The following INPP5A variants were observed in gnomAD, a reference collection of about 807,000 sequenced individuals.
INPP5A encodes the protein inositol polyphosphate-5-phosphatase A, also known as 43 kDa inositol polyphosphate 5-phophatase.
In INPP5A, 14 loss-of-function variants were observed where a neutral mutation model predicts 65.2. That is an observed-to-expected ratio of 0.21 (90% CI 0.14 to 0.34). INPP5A has a LOEUF of 0.34. Among genes scored for constraint, INPP5A ranks in the 10% least tolerant of loss-of-function variants. INPP5A has a pLI of 1.00. For missense variants in INPP5A, 431 were observed against 545.6 expected (o/e 0.79, Z 2.09); for synonymous variants, 207 against 208.3 (o/e 0.99, Z 0.05).
At chr10:132,774,248 G>C (rs773548154) in intron 12 of INPP5A, among the ~76,000 whole-genome samples, 1 of 152,226 alleles carries the variant, frequency 6.6e-6, no homozygotes, top group Non-Finnish European at 1.5e-5. Flanking sequence ...GTGCCTGCAG[G>C]CTGCACGGGA....
In INPP5A at chr10:132,575,907, C is replaced by T. The variant is rs1354642964; in HGVS notation, c.76-32008C>T. 2.0e-5 allele frequency among the ~76,000 whole-genome samples: 3 copies of T among 152,300 alleles called. No individual in the cohort carries two copies. Among genetic ancestry groups the T allele is most frequent in the Middle Eastern group, 3.4e-3 (1 of 294 alleles). ...AGGACCTGCTTGATGCCACTGACAT[C>T]GCGGCTCTTGTGGACTGTGGAGCTG... is the stretch of plus-strand genomic sequence containing the variant. On this transcript the variant is annotated intron_variant, in intron 1 of 15. Transcript: ENST00000368594. The surrounding 1 kb of genome is among the most constrained non-coding windows in gnomAD (Gnocchi z 5.4).
At chr10:132,763,365 A>T (rs868567451) in intron 11 of INPP5A, among the ~76,000 whole-genome samples, 1 of 152,252 alleles carries the variant, frequency 6.6e-6, no homozygotes. Flanking sequence ...AGCAGGGCCC[A>T]CGCTGGACTG....
intron 9 of INPP5A, among the ~76,000 whole-genome samples, chr10:132,732,984 G>A (rs1430045907): frequency 1.3e-5 from 2 of 152,160 alleles, no homozygotes; most frequent in Admixed American, 1.3e-4. Context: ...TCACAGTCCT[G>A]GAACCTGGAC....
At chr10:132,726,448 A>G (rs1224840321) in intron 8 of INPP5A, among the ~76,000 whole-genome samples, 1 of 151,066 alleles carries the variant, frequency 6.6e-6, no homozygotes, top group African/African-American at 2.4e-5. Context: ...TTTGTGGTGG[A>G]TTATTCAGGC....
chr10:132,567,923 T>C (rs2071291684), intron 1 of INPP5A, among the ~76,000 whole-genome samples: 1 of 151,968 alleles, frequency 6.6e-6, no homozygotes, highest in African/African-American at 2.4e-5. Flanking sequence ...CCGGGCGCGG[T>C]GGCTCACGCC....
chr10:132,594,345 A>T (rs778668265), intron 1 of INPP5A, among the ~76,000 whole-genome samples: 3 of 152,224 alleles, frequency 2.0e-5, no homozygotes, highest in Admixed American at 6.5e-5. Flanking sequence ...TGGCTAGTGC[A>T]GGTCTAGAAC....
intron 6 of INPP5A, among the ~76,000 whole-genome samples, chr10:132,699,393 G>A (rs546623207): frequency 2.0e-5 from 3 of 152,122 alleles, no homozygotes; most frequent in Middle Eastern, 3.4e-3. Flanking sequence ...AGGGCCAGGC[G>A]CTGCCACCTG....
At chr10:132,767,460 C>G (rs890887669) in intron 12 of INPP5A, among the ~76,000 whole-genome samples, 1 of 152,204 alleles carries the variant, frequency 6.6e-6, no homozygotes, top group Non-Finnish European at 1.5e-5. Flanking sequence ...GTTGGAGGAG[C>G]CTCCAGAAGG....
chr10:132,673,117 A>T (rs930388627), intron 4 of INPP5A, among the ~76,000 whole-genome samples: 5 of 152,152 alleles, frequency 3.3e-5, no homozygotes, highest in Admixed American at 1.3e-4. Context: ...GATAGACCAG[A>T]TCAATCACCC....
chr10:132,579,073 A>G (rs1042275660), intron 1 of INPP5A, among the ~76,000 whole-genome samples: 2 of 152,144 alleles, frequency 1.3e-5, no homozygotes, highest in Non-Finnish European at 1.5e-5. Context: ...AAGGGGCCTG[A>G]TGCCCCTTTG....
At chr10:132,635,333 T>A (rs1297614953) in intron 2 of INPP5A, among the ~76,000 whole-genome samples, 10 of 150,618 alleles carry the variant, frequency 6.6e-5, no homozygotes, top group Non-Finnish European at 1.3e-4. Context: ...AATTATTTAA[T>A]TTTTTTTGGC....
chr10:132,595,657 G>T (rs948959499), intron 1 of INPP5A, among the ~76,000 whole-genome samples: 1 of 152,278 alleles, frequency 6.6e-6, no homozygotes, highest in East Asian at 1.9e-4. Flanking sequence ...TCCACGTCAT[G>T]TTTTATCCAA....
intron 9 of INPP5A, among the ~76,000 whole-genome samples, chr10:132,736,151 C>A (rs1362299623): frequency 6.6e-6 from 1 of 152,362 alleles, no homozygotes; most frequent in East Asian, 1.9e-4. Context: ...GAGGGCCGTG[C>A]GTCCTCACAC....
At chr10:132,590,956 C>T (rs1053244935) in intron 1 of INPP5A, among the ~76,000 whole-genome samples, 3 of 152,188 alleles carry the variant, frequency 2.0e-5, no homozygotes, top group East Asian at 1.9e-4. Context: ...TGAGCTTGGG[C>T]GCTTCTTGTG....
chr10:132,744,948 G>T (rs1846342079), intron 9 of INPP5A, among the ~76,000 whole-genome samples: 1 of 152,194 alleles, frequency 6.6e-6, no homozygotes, highest in South Asian at 2.1e-4. Flanking sequence ...TGCTGTCCTG[G>T]GCCCGGCGGT....
chr10:132,769,055 G>A (rs1046287112), intron 12 of INPP5A, among the ~76,000 whole-genome samples: 3 of 152,326 alleles, frequency 2.0e-5, no homozygotes, highest in South Asian at 2.1e-4. Context: ...AGCCGCACCC[G>A]GGGCGTTGGT....
At chr10:132,739,307 C>G (rs1457432107) in intron 9 of INPP5A, among the ~76,000 whole-genome samples, 1 of 152,258 alleles carries the variant, frequency 6.6e-6, no homozygotes, top group African/African-American at 2.4e-5. Context: ...CCTGGCCTCC[C>G]GGCCTCACCA....
intron 9 of INPP5A, among the ~76,000 whole-genome samples, chr10:132,732,818 C>T (rs1846109375): frequency 6.6e-6 from 1 of 152,132 alleles, no homozygotes; most frequent in African/African-American, 2.4e-5. Context: ...CGGAGGGTCA[C>T]GGCCTGTCTT....
intron 4 of INPP5A, among the ~76,000 whole-genome samples, chr10:132,682,880 A>T (rs572955848): frequency 6.6e-6 from 1 of 150,774 alleles, no homozygotes; most frequent in Non-Finnish European, 1.5e-5. Flanking sequence ...ATATGCACGC[A>T]CGTTTAATCT....
Sources: allele counts gnomAD v4.1 joint callset (sites outside exome capture counted in the v4.1 genomes callset), GRCh38; gene constraint gnomAD v4.1.1; non-coding constraint Gnocchi (gnomAD v3.1); transcripts MANE v1.5; gene names NCBI Gene and HGNC (gene_info 2026-07-23, HGNC 2026-07-21).